Variants in COL18A1 observed in about 807,000 individuals in gnomAD.
COL18A1 encodes the protein collagen alpha-1(XVIII) chain.
Under a neutral mutation model 168.0 loss-of-function variants are expected in COL18A1, and 133 were observed. That is an observed-to-expected ratio of 0.79 (90% CI 0.69 to 0.91). The LOEUF (loss-of-function observed/expected upper bound fraction) is 0.91. COL18A1 is among the 40% of genes least tolerant of loss of function. The probability of loss-of-function intolerance (pLI) is 0.00; values close to 1 mark genes in which losing one functional copy is unlikely to be tolerated. For missense variants in COL18A1, 2,126 were observed against 1,925.4 expected, an observed-to-expected ratio of 1.10 and a Z score of -1.95; for synonymous variants, 949 against 809.0, an observed-to-expected ratio of 1.17 and a Z score of -2.94.
chr21:45,455,392 C>T, intron 2 of COL18A1: 2 of 1,235,644 alleles, frequency 1.6e-6, no homozygotes, highest in Non-Finnish European at 2.3e-6. Context: ...TTTCCTTCTG[C>T]AAGAGTGGGG....
At chr21:45,479,205 C>G (rs9977482) in intron 9 of COL18A1, among the ~76,000 whole-genome samples, 1 of 151,926 alleles carries the variant, frequency 6.6e-6, no homozygotes, top group Non-Finnish European at 1.5e-5. Flanking sequence ...AGGATCCACA[C>G]GTACACATAC....
intron 33 of COL18A1, 57 bp from the exon 34 acceptor site, chr21:45,504,358 GC>G: frequency 6.4e-7 from 1 of 1,561,676 alleles, no homozygotes; most frequent in Middle Eastern, 1.8e-4. Context: ...GGGATGGGAG[GC>G]CACCTGTGGC....
intron 2 of COL18A1, among the ~76,000 whole-genome samples, chr21:45,454,391 C>T (rs931236876): frequency 4.6e-5 from 7 of 152,068 alleles, no homozygotes; most frequent in South Asian, 2.1e-4. Context: ...CAACCCCAGC[C>T]GCACAGCCTG....
chr21:45,433,045 C>T (rs2034005593), intron 2 of COL18A1, among the ~76,000 whole-genome samples: 3 of 152,206 alleles, frequency 2.0e-5, no homozygotes, highest in African/African-American at 7.2e-5. Flanking sequence ...CAGCAGTGTA[C>T]ACAGATGTTA....
intron 2 of COL18A1, among the ~76,000 whole-genome samples, chr21:45,416,251 C>T (rs1044604446): frequency 6.6e-6 from 1 of 152,194 alleles, no homozygotes; most frequent in African/African-American, 2.4e-5. Flanking sequence ...GCAGTAGGGC[C>T]GGCCAGCCTG....
chr21:45,468,917 G>T, intron 3 of COL18A1, 131 bp downstream of exon 3: 1 of 993,174 alleles, frequency 1.0e-6, no homozygotes, highest in Non-Finnish European at 1.4e-6. Flanking sequence ...GTCAGCCCGG[G>T]CCTCCAGCGC....
intron 2 of COL18A1, among the ~76,000 whole-genome samples, chr21:45,411,441 A>G (rs1230107953): frequency 6.6e-6 from 1 of 151,968 alleles, no homozygotes; most frequent in Non-Finnish European, 1.5e-5. Context: ...TCCTGTGTGC[A>G]TTTTTGAGCA....
intron 32 of COL18A1, among the ~76,000 whole-genome samples, chr21:45,501,743 AC>A (rs2036850469): frequency 1.0e-5 from 1 of 99,086 alleles, no homozygotes. Flanking sequence ...CAGGGGCTCC[AC>A]AGCCGGTCAC....
intron 32 of COL18A1, among the ~76,000 whole-genome samples, chr21:45,499,172 G>T (rs910873922): frequency 6.6e-6 from 1 of 152,256 alleles, no homozygotes; most frequent in Non-Finnish European, 1.5e-5. Flanking sequence ...TCAATTGCCA[G>T]TGTAGACTCC....
intron 2 of COL18A1, among the ~76,000 whole-genome samples, chr21:45,444,709 C>T (rs1477150940): frequency 2.0e-5 from 3 of 152,102 alleles, no homozygotes; most frequent in Non-Finnish European, 2.9e-5. Flanking sequence ...GAGGAAGCCA[C>T]GTGCTCCTCG....
At chr21:45,410,216 ATTT>A (rs1323043649) in intron 2 of COL18A1, among the ~76,000 whole-genome samples, 1 of 152,174 alleles carries the variant, frequency 6.6e-6, no homozygotes, top group Non-Finnish European at 1.5e-5. Context: ...ACTTTCTGGC[ATTT>A]CATGGTGGCA....
chr21:45,477,699 GGT>G, intron 7 of COL18A1, 49 bp from the exon 8 acceptor site: 1 of 1,462,676 alleles, frequency 6.8e-7, no homozygotes, highest in Non-Finnish European at 9.2e-7. Context: ...ACGTGGGCAG[GGT>G]GTGTGGGGCC....
At chr21:45,440,610 T>G (rs553019269) in intron 2 of COL18A1, among the ~76,000 whole-genome samples, 1 of 146,676 alleles carries the variant, frequency 6.8e-6, no homozygotes, top group Non-Finnish European at 1.5e-5. Flanking sequence ...CGGGGCCTGC[T>G]GGGGTTTGAG....
chr21:45,509,207 C>A, intron 38 of COL18A1, 149 bp from the exon 39 acceptor site: 3 of 1,099,746 alleles, frequency 2.7e-6, no homozygotes, highest in Non-Finnish European at 3.8e-6. Context: ...CTGCCTACAC[C>A]CCCAGGGCAG....
chr21:45,405,307 CGCGG>C (rs2033048395), intron 1 of COL18A1, 66 bp downstream of exon 1: 1 of 784,848 alleles, frequency 1.3e-6, no homozygotes, highest in Non-Finnish European at 1.6e-6. Flanking sequence ...TCGCGGGGGT[CGCGG>C]GGCTCGGCCG....
intron 17 of COL18A1, 108 bp downstream of exon 17, chr21:45,487,617 C>T (rs899110532): frequency 7.0e-7 from 1 of 1,430,502 alleles, no homozygotes; most frequent in Non-Finnish European, 9.7e-7. Context: ...CGGAAGCCGC[C>T]CTGCAGAGCC....
chr21:45,496,252 C>A, intron 29 of COL18A1: 1 of 694,252 alleles, frequency 1.4e-6, no homozygotes, highest in Non-Finnish European at 2.7e-6. Flanking sequence ...GACGCAGACC[C>A]GGTGGCCTCT....
At chr21:45,507,643 G>A (rs1176376805) in intron 38 of COL18A1, 50 bp downstream of exon 38, 9 of 1,555,922 alleles carry the variant, frequency 5.8e-6, no homozygotes, top group Non-Finnish European at 7.1e-6. Context: ...GGACATGAGG[G>A]GGTATGTGCT....
At chr21:45,430,757 G>A (rs547917736) in intron 2 of COL18A1, among the ~76,000 whole-genome samples, 61 of 152,304 alleles carry the variant, frequency 4.0e-4, no homozygotes, top group Middle Eastern at 6.8e-3. Context: ...GGCCCGGCTG[G>A]CTTTCCCCGG....
Sources: allele counts gnomAD v4.1 joint callset (sites outside exome capture counted in the v4.1 genomes callset), GRCh38; gene constraint gnomAD v4.1.1; transcripts MANE v1.5; gene names NCBI Gene and HGNC (gene_info 2026-07-23, HGNC 2026-07-21).